Variants in PDE10A observed in about 807,000 individuals in gnomAD.
PDE10A encodes the protein cAMP and cAMP-inhibited cGMP 3',5'-cyclic phosphodiesterase 10A.
In PDE10A, 39 loss-of-function variants were observed where a neutral mutation model predicts 97.7. The observed-to-expected ratio is 0.40, with a 90% CI of 0.31 to 0.52. The LOEUF (loss-of-function observed/expected upper bound fraction) is 0.52, where lower values mean the gene tolerates loss of function less well. Among genes scored for constraint, PDE10A ranks in the 20% least tolerant of loss-of-function variants. The pLI, the probability that PDE10A is intolerant of heterozygous loss-of-function variation, is 0.56. For missense variants in PDE10A, 731 were observed against 1,047.8 expected, an observed-to-expected ratio of 0.70 and a Z score of 4.17; for synonymous variants, 371 against 376.8, an observed-to-expected ratio of 0.98 and a Z score of 0.18.
chr6:165,640,217 G>A (rs1449283215), intron 1 of PDE10A, among the ~76,000 whole-genome samples: 2 of 152,046 alleles, frequency 1.3e-5, no homozygotes, highest in African/African-American at 4.8e-5. Context: ...AAAACATAAA[G>A]ATTCTAATGG....
At chr6:165,913,870 C>G (rs1782533171) in intron 1 of PDE10A, among the ~76,000 whole-genome samples, 1 of 152,226 alleles carries the variant, frequency 6.6e-6, no homozygotes, top group Non-Finnish European at 1.5e-5. Context: ...TCCAGCAAAT[C>G]TATGGTTCTT....
At chr6:165,833,955 C>G (rs903436) in intron 1 of PDE10A, among the ~76,000 whole-genome samples, 147,071 of 152,364 alleles carry the variant, frequency 0.97, 71,017 homozygotes, top group East Asian at 1. Flanking sequence ...CTGCCTAGAA[C>G]ACAGTCTCTG....
intron 2 of PDE10A, among the ~76,000 whole-genome samples, chr6:165,483,107 G>A (rs1010177029): frequency 6.6e-6 from 1 of 152,210 alleles, no homozygotes; most frequent in African/African-American, 2.4e-5. Flanking sequence ...GAGAAAGTGT[G>A]TGTCCCTAAG....
intron 2 of PDE10A, among the ~76,000 whole-genome samples, chr6:165,531,989 A>C (rs555622821): frequency 1.3e-5 from 2 of 152,354 alleles, no homozygotes; most frequent in South Asian, 4.1e-4. Flanking sequence ...TTACTGGTAC[A>C]AAAATGAACA....
chr6:165,505,694 T>A (rs1171311878), intron 2 of PDE10A, among the ~76,000 whole-genome samples: 1 of 152,116 alleles, frequency 6.6e-6, no homozygotes. Context: ...AAAACTATTT[T>A]GGGGGCCTAA....
At chr6:165,776,922 T>A (rs939093102) in intron 1 of PDE10A, among the ~76,000 whole-genome samples, 1 of 152,202 alleles carries the variant, frequency 6.6e-6, no homozygotes, top group African/African-American at 2.4e-5. Flanking sequence ...CAGGAAGCTT[T>A]TCTCTTCCTG....
At chr6:165,582,992 C>T (rs1446313502) in intron 1 of PDE10A, among the ~76,000 whole-genome samples, 1 of 152,164 alleles carries the variant, frequency 6.6e-6, no homozygotes, top group Non-Finnish European at 1.5e-5. Context: ...TATGTGTCAA[C>T]CACCAAGTAC....
At position 165,541,794 on chromosome 6, in the gene PDE10A, GATTT is replaced by G. The variant is rs1783455913; in HGVS notation, c.994+1642_994+1645del. 5.9e-5 allele frequency among the ~76,000 whole-genome samples: 9 copies of G among 152,194 alleles called. No homozygotes were observed. The South Asian group carries it at 1.9e-3, about 32-fold the overall frequency. On this transcript the variant is annotated intron_variant, in intron 2 of 21. Coordinates refer to ENST00000539869, the MANE Select transcript of PDE10A (RefSeq NM_001385079.1). ...GATTGAGAAGACAATGCCTGTTTCT[GATTT>G]ATTATTTCTCTTCTCCCCTCCCTCT...
At chr6:165,405,710 C>T (rs1241725013) in intron 13 of PDE10A, among the ~76,000 whole-genome samples, 3 of 152,122 alleles carry the variant, frequency 2.0e-5, no homozygotes, top group African/African-American at 4.8e-5. Context: ...AAATGCATGT[C>T]TGCTTGATTT....
In PDE10A at chr6:165,388,526, C is replaced by T. The variant is rs1785457331; in HGVS notation, c.2455-73G>A. The T allele has an allele frequency of 1.5e-6, 2 of 1,344,432 alleles. No individual in the cohort carries two copies. The highest frequency in any genetic ancestry group is 1.7e-5 in the Admixed American group (1 of 59,186). The allele number at this position is 1,344,432 out of a possible 1,614,324, so 83.3% of individuals were successfully genotyped here. A position where few individuals can be genotyped will look rare whatever the true frequency, so the allele number is the denominator to read the frequency against. ...CATGAGCAGACTTACCGCTTACATT[C>T]ATGTCACATTACTTTCTGGCATTAA... is the stretch of plus-strand genomic sequence containing the variant. On this transcript the variant is annotated intron_variant, in intron 16 of 21. Coordinates refer to ENST00000539869, the MANE Select transcript of PDE10A (RefSeq NM_001385079.1). The surrounding 1 kb of genome is among the most constrained non-coding windows in gnomAD (Gnocchi z 4.0).
At chr6:165,600,177 C>T (rs939976628) in intron 1 of PDE10A, among the ~76,000 whole-genome samples, 1 of 152,216 alleles carries the variant, frequency 6.6e-6, no homozygotes, top group African/African-American at 2.4e-5. Flanking sequence ...TTCACTCCTC[C>T]TCCGAGGATC....
intron 16 of PDE10A, among the ~76,000 whole-genome samples, chr6:165,389,148 T>G (rs1785502406): frequency 6.6e-6 from 1 of 151,992 alleles, no homozygotes; most frequent in South Asian, 2.1e-4. Context: ...CGGTGGCCAG[T>G]GGGGTCGAGG....
intron 1 of PDE10A, among the ~76,000 whole-genome samples, chr6:165,570,188 T>C (rs9356375): frequency 6.6e-6 from 1 of 152,208 alleles, no homozygotes; most frequent in South Asian, 2.1e-4. Flanking sequence ...AGCAAACTAA[T>C]GCTCTCCTTT....
At chr6:165,424,867 A>G (rs1309626602) in intron 10 of PDE10A, among the ~76,000 whole-genome samples, 4 of 152,172 alleles carry the variant, frequency 2.6e-5, no homozygotes, top group Non-Finnish European at 2.9e-5. Context: ...CCAACACCAA[A>G]TCAGATGCAA....
chr6:165,825,054 C>A (rs1455855611), intron 1 of PDE10A, among the ~76,000 whole-genome samples: 1 of 143,922 alleles, frequency 6.9e-6, no homozygotes, highest in Admixed American at 7.2e-5. Flanking sequence ...GAGGCTGAGG[C>A]AGAGAACTGC....
At chr6:165,915,583 T>A (rs115782534) in intron 1 of PDE10A, among the ~76,000 whole-genome samples, 1,664 of 152,238 alleles carry the variant, frequency 0.011, 27 homozygotes, top group African/African-American at 0.036. Flanking sequence ...GGTCTCTTCA[T>A]TACTGTCTTC....
intron 1 of PDE10A, among the ~76,000 whole-genome samples, chr6:165,646,564 T>G (rs891958413): frequency 2.0e-5 from 3 of 152,238 alleles, no homozygotes; most frequent in Non-Finnish European, 4.4e-5. Flanking sequence ...CTGCTTCTCA[T>G]GACCCCTTCA....
chr6:165,375,087 C>T (rs976687951), intron 18 of PDE10A, among the ~76,000 whole-genome samples: 3 of 152,020 alleles, frequency 2.0e-5, no homozygotes, highest in African/African-American at 2.4e-5. Flanking sequence ...CATCCTTGTT[C>T]CCTAAAAGCA....
Position 165,711,039 on chromosome 6 carries a change from A to G in PDE10A, c.-614-167471T>C, listed in dbSNP as rs1791883351. On this transcript the variant is annotated intron_variant, in intron 1 of 19. Transcript: ENST00000366882. The surrounding 1 kb of genome is among the most constrained non-coding windows in gnomAD (Gnocchi z 4.5). ...TTTACCTGGCGCACTGCAGGGGTCC[A>G]GGGTGCCTTCTGCTGGGTCATCGCT... is the stretch of plus-strand genomic sequence containing the variant. Among the ~76,000 whole-genome samples the G allele has an allele frequency of 6.6e-6, 1 of 152,238 alleles. No homozygotes were observed. The highest frequency in any genetic ancestry group is 6.5e-5 in the Admixed American group (1 of 15,286).
Sources: gnomAD v4.1 joint callset for allele counts (sites outside exome capture counted in the v4.1 genomes callset) on GRCh38, gnomAD v4.1.1 for gene constraint, Gnocchi (gnomAD v3.1) non-coding constraint, MANE v1.5 for transcripts, NCBI Gene and HGNC (gene_info 2026-07-23, HGNC 2026-07-21) for gene names.